FNBP1L: variants seen among roughly 807,000 people sequenced by gnomAD.
FNBP1L encodes formin binding protein 1 like.
A neutral mutation model predicts 91.2 loss-of-function variants in FNBP1L; 36 were observed. That is an observed-to-expected ratio of 0.39 (90% CI 0.30 to 0.52). FNBP1L has a LOEUF of 0.52. Among genes scored for constraint, FNBP1L ranks in the 20% least tolerant of loss-of-function variants. The probability of loss-of-function intolerance (pLI) is 0.66; values close to 1 mark genes in which losing one functional copy is unlikely to be tolerated. For missense variants in FNBP1L, 571 were observed against 732.1 expected (o/e 0.78, Z 2.54); for synonymous variants, 242 against 237.0 (o/e 1.02, Z -0.19).
At chr1:93,512,459 C>G (rs1039132523) in intron 2 of FNBP1L, among the ~76,000 whole-genome samples, 2 of 152,030 alleles carry the variant, frequency 1.3e-5, no homozygotes, top group African/African-American at 4.8e-5. Context: ...CCCAAATCAA[C>G]AGAATATACA....
At chr1:93,457,801 AT>A (rs939868154) in intron 1 of FNBP1L, among the ~76,000 whole-genome samples, 5 of 141,226 alleles carry the variant, frequency 3.5e-5, no homozygotes, top group South Asian at 2.1e-4. Context: ...ATTATTATTA[AT>A]TTTTTTTGAG....
At chr1:93,522,573 G>GTT (rs11419903) in intron 3 of FNBP1L, among the ~76,000 whole-genome samples, 3 of 151,930 alleles carry the variant, frequency 2.0e-5, no homozygotes, top group Non-Finnish European at 4.4e-5. Context: ...TCACTTATGA[G>GTT]TTTTTTTGTG....
At chr1:93,543,987 C>CA in intron 11 of FNBP1L, 120 bp from the exon 12 acceptor site, 2 of 528,892 alleles carry the variant, frequency 3.8e-6, no homozygotes, top group East Asian at 3.7e-5. Flanking sequence ...TAAGGGGTTG[C>CA]TTGAGGCAAA....
At chr1:93,473,112 G>C (rs1027127223) in intron 1 of FNBP1L, among the ~76,000 whole-genome samples, 1 of 151,884 alleles carries the variant, frequency 6.6e-6, no homozygotes, top group Non-Finnish European at 1.5e-5. Flanking sequence ...TATCATCTTA[G>C]ATTTGTCTAT....
chr1:93,487,267 T>C (rs571069902), intron 1 of FNBP1L, among the ~76,000 whole-genome samples: 2 of 152,326 alleles, frequency 1.3e-5, no homozygotes, highest in South Asian at 4.1e-4. Flanking sequence ...GTTTCATGTC[T>C]GTAACAGTGG....
intron 1 of FNBP1L, among the ~76,000 whole-genome samples, chr1:93,448,624 C>G (rs1668360598): frequency 6.6e-6 from 1 of 152,102 alleles, no homozygotes; most frequent in Admixed American, 6.5e-5. Flanking sequence ...CCTCCACCTT[C>G]ACTTTTCCCG....
chr1:93,533,873 G>A (rs1671762762), intron 8 of FNBP1L, among the ~76,000 whole-genome samples: 1 of 152,100 alleles, frequency 6.6e-6, no homozygotes, highest in African/African-American at 2.4e-5. Context: ...ATTGCTGAGG[G>A]TAGCATTACT....
At chr1:93,551,932 A>G in intron 16 of FNBP1L, 1 of 986,224 alleles carries the variant, frequency 1.0e-6, no homozygotes, top group Non-Finnish European at 1.2e-6. Flanking sequence ...ACACATAGGA[A>G]AATACACAGT....
chr1:93,529,605 T>C, intron 5 of FNBP1L, 47 bp from the exon 6 acceptor site: 1 of 1,144,752 alleles, frequency 8.7e-7, no homozygotes, highest in Non-Finnish European at 1.2e-6. Flanking sequence ...TAAATGAAGT[T>C]AGCCTGATTT....
At chr1:93,472,080 C>G (rs1669307393) in intron 1 of FNBP1L, among the ~76,000 whole-genome samples, 1 of 152,204 alleles carries the variant, frequency 6.6e-6, no homozygotes, top group Middle Eastern at 3.2e-3. Flanking sequence ...CCTAACCCTA[C>G]TCTAATCTCT....
chr1:93,490,445 G>A (rs1670055317), intron 1 of FNBP1L, among the ~76,000 whole-genome samples: 1 of 152,118 alleles, frequency 6.6e-6, no homozygotes, highest in African/African-American at 2.4e-5. Flanking sequence ...GCTTTCTTGA[G>A]TTTACATATA....
chr1:93,472,098 G>A (rs1669307846), intron 1 of FNBP1L, among the ~76,000 whole-genome samples: 1 of 152,180 alleles, frequency 6.6e-6, no homozygotes, highest in Non-Finnish European at 1.5e-5. Context: ...TCTTGAATCA[G>A]ATCTCTGGAA....
chr1:93,454,921 A>T, intron 1 of FNBP1L, among the ~76,000 whole-genome samples: 1 of 149,904 alleles, frequency 6.7e-6, no homozygotes, highest in East Asian at 1.9e-4. Context: ...TTATTTATTT[A>T]TTTATTTATT....
rs140170303 is a variant in FNBP1L, at chr1:93,526,457, A to G, written c.405+2134A>G. On this transcript the variant is annotated intron_variant, in intron 5 of 16. Coordinates refer to ENST00000271234, the MANE Select transcript of FNBP1L (RefSeq NM_001164473.3). ...TCATTCAGTTTCATCCAGAGGTGGG[A>G]AAAAGGCAGCATTTCACTTCCAACT... 5.2e-3 allele frequency among the ~76,000 whole-genome samples: 793 copies of G among 152,314 alleles called. 10 individuals are homozygous for G. The highest frequency in any genetic ancestry group is 0.018 in the African/African-American group (750 of 41,574).
At chr1:93,536,871 T>TTATTTTATTGACTATAAAATAA (rs1553220867) in intron 10 of FNBP1L, among the ~76,000 whole-genome samples, 1 of 152,110 alleles carries the variant, frequency 6.6e-6, no homozygotes. Flanking sequence ...TTATAAAATA[T>TTATTTTATTGACTATAAAATAA]TATTTTATTG....
chr1:93,549,746 G>C (rs1298648907), intron 15 of FNBP1L, among the ~76,000 whole-genome samples: 1 of 152,182 alleles, frequency 6.6e-6, no homozygotes, highest in African/African-American at 2.4e-5. Flanking sequence ...GAGGCAGCTT[G>C]AACATGTAGC....
intron 2 of FNBP1L, among the ~76,000 whole-genome samples, chr1:93,516,760 A>C (rs1671134639): frequency 1.3e-5 from 2 of 152,126 alleles, no homozygotes; most frequent in African/African-American, 2.4e-5. Flanking sequence ...CACTCTATGA[A>C]ATGCTTTTTG....
At chr1:93,465,807 T>G (rs1020811798) in intron 1 of FNBP1L, among the ~76,000 whole-genome samples, 1 of 152,230 alleles carries the variant, frequency 6.6e-6, no homozygotes, top group African/African-American at 2.4e-5. Context: ...TGAACTAATT[T>G]ACAGTCCCAC....
chr1:93,524,274 G>A lies in FNBP1L; in HGVS notation c.356G>A (p.Gly119Glu). 6.7e-7 allele frequency: 1 copy of A among 1,502,658 alleles called. No homozygotes were observed. Among genetic ancestry groups the A allele is most frequent in the Non-Finnish European group, 8.9e-7 (1 of 1,123,956 alleles). The allele number at this position is 1,502,658 out of a possible 1,614,324, so 93.1% of individuals were successfully genotyped here. Residue 119 changes from glycine to glutamate, a missense_variant, in exon 5 of 17, where the codon GGA (glycine) becomes GAA (glutamate). Transcript: ENST00000271234. ...TATAATCTTCAGCATCTGCAAGAAG[G>A]ACGAAAAGCTCAACAATATCTTGAC... ...KTERKMHLQE[G>E]RKAQQYLDMC... is the part of the protein sequence containing the mutation.
Sources: gnomAD v4.1 joint callset for allele counts (sites outside exome capture counted in the v4.1 genomes callset) on GRCh38, gnomAD v4.1.1 for gene constraint, MANE v1.5 for transcripts, NCBI Gene and HGNC (gene_info 2026-07-23, HGNC 2026-07-21) for gene names.